The following TCERG1L variants were observed in gnomAD, a reference collection of about 807,000 sequenced individuals.
TCERG1L encodes the protein transcription elongation regulator 1 like.
TCERG1L carries 37 observed loss-of-function variants against 56.3 expected under a neutral mutation model. The observed-to-expected ratio is 0.66, with a 90% CI of 0.51 to 0.87. The LOEUF is 0.87. TCERG1L is among the 40% of genes least tolerant of loss of function. The pLI is 0.00. For missense variants in TCERG1L, 799 were observed against 774.2 expected (o/e 1.03, Z -0.38); for synonymous variants, 324 against 326.3 (o/e 0.99, Z 0.08).
chr10:131,226,740 G>C (rs934392050), intron 4 of TCERG1L, among the ~76,000 whole-genome samples: 4 of 152,372 alleles, frequency 2.6e-5, no homozygotes, highest in East Asian at 1.9e-4. Flanking sequence ...TAGTTTAGAA[G>C]TGTAAACGCC....
At chr10:131,302,161 A>C (rs1836681649) in intron 3 of TCERG1L, among the ~76,000 whole-genome samples, 1 of 151,988 alleles carries the variant, frequency 6.6e-6, no homozygotes, top group Non-Finnish European at 1.5e-5. Flanking sequence ...ATAATTCTCT[A>C]AACTTTTCCC....
chr10:131,158,780 A>G (rs1274194367), intron 6 of TCERG1L, among the ~76,000 whole-genome samples: 1 of 152,236 alleles, frequency 6.6e-6, no homozygotes, highest in East Asian at 1.9e-4. Flanking sequence ...TGCCAAGCGG[A>G]CCATCGCAGA....
rs548626336 is a variant in TCERG1L at position 131,163,170 on chromosome 10, G to A, written c.986C>T (p.Ala329Val). 74 of 1,574,390 alleles carry A rather than the reference G, an allele frequency of 4.7e-5. No individual in the cohort carries two copies. The South Asian group carries it at 7.5e-4, about 16-fold the overall frequency. ...PMLGGGEDST[A>V]RGNRPVASTP... ...GGAGGCCACTGGCCTGTTGCCTCTG[G>A]CTGTGCTGTCCTCTCCTCCCCCCAG... The change falls in exon 6 of 12, where the codon GCC becomes GTC. Residue 329 changes from alanine to valine, a missense_variant. Physicochemically the swap from Ala to Val is moderately conservative, Grantham distance 64 (BLOSUM62 0). Transcript: ENST00000368642.
chr10:131,224,269 G>C (rs577595453), intron 4 of TCERG1L, among the ~76,000 whole-genome samples: 10 of 152,190 alleles, frequency 6.6e-5, no homozygotes, highest in South Asian at 6.2e-4. Context: ...CTTTCCAGCC[G>C]AAGTGTGCTG....
chr10:131,161,843 T>C (rs1845980458), intron 6 of TCERG1L: 1 of 152,392 alleles, frequency 6.6e-6, no homozygotes, highest in South Asian at 2.1e-4. Flanking sequence ...GCTGCAGCAC[T>C]GGGAGGGTGG....
rs1325951174 is a variant in TCERG1L at position 131,118,514 on chromosome 10, CAT to C, written c.1260-1582_1260-1581del. The stretch of plus-strand genomic sequence containing the variant: ...CAACGGTCCTGCTAAACTGATTAGC[CAT>C]AGTCTTCCCTACCCTTCCCTTAATC... On this transcript the variant is annotated intron_variant, in intron 8 of 11. Coordinates refer to ENST00000368642, the MANE Select transcript of TCERG1L (RefSeq NM_174937.4). This position sits in a 1 kb window ranked among gnomAD's most constrained non-coding sequence, Gnocchi z 4.2. Among the ~76,000 whole-genome samples the C allele has an allele frequency of 6.6e-6, 1 of 152,112 alleles. No homozygotes were observed. Among genetic ancestry groups the C allele is most frequent in the Non-Finnish European group, 1.5e-5 (1 of 68,040 alleles).
chr10:131,145,209 C>T (rs1845782955), intron 7 of TCERG1L, among the ~76,000 whole-genome samples: 2 of 152,176 alleles, frequency 1.3e-5, no homozygotes, highest in Admixed American at 1.3e-4. Flanking sequence ...CTGAGGGTGT[C>T]CTGATTTCCC....
At chr10:131,177,091 C>CTG (rs1846169913) in intron 4 of TCERG1L, among the ~76,000 whole-genome samples, 1 of 101,720 alleles carries the variant, frequency 9.8e-6, no homozygotes, top group African/African-American at 6.8e-5. Context: ...CACGTACTCA[C>CTG]AGACACATGC....
At position 131,311,274 on chromosome 10, in the gene TCERG1L, G is replaced by T; in HGVS notation, c.342+20C>A. ...AGGGGAGACGGCGACCCGGGCCGAG[G>T]CGGGACGGGGACACGTTACCTGCCC... On this transcript the variant is annotated intron_variant, in intron 1 of 11. Transcript: ENST00000368642. This position sits in a 1 kb window ranked among gnomAD's most constrained non-coding sequence, Gnocchi z 4.0. 1.7e-6 allele frequency: 2 copies of T among 1,170,974 alleles called. No individual in the cohort carries two copies. The highest frequency in any genetic ancestry group is 9.2e-5 in the Admixed American group (2 of 21,668). 72.5% of individuals were successfully genotyped at this position (1,170,974 alleles called of 1,614,324 possible). A position where few individuals can be genotyped will look rare whatever the true frequency, so the allele number is the denominator to read the frequency against.
intron 10 of TCERG1L, among the ~76,000 whole-genome samples, chr10:131,099,012 G>A (rs1274504414): frequency 3.3e-5 from 5 of 152,222 alleles, no homozygotes; most frequent in Admixed American, 2.0e-4. Flanking sequence ...GGAGGACTCA[G>A]GGTGCATAAG....
chr10:131,149,437 G>A (rs1171396367), intron 6 of TCERG1L, among the ~76,000 whole-genome samples: 1 of 152,234 alleles, frequency 6.6e-6, no homozygotes, highest in Non-Finnish European at 1.5e-5. Flanking sequence ...CATTTATGGT[G>A]CAGAACCCGG....
chr10:131,278,234 A>G (rs1421828127), intron 3 of TCERG1L, among the ~76,000 whole-genome samples: 1 of 151,710 alleles, frequency 6.6e-6, no homozygotes, highest in Admixed American at 6.6e-5. Flanking sequence ...CGGTTTCCTC[A>G]CCTGTAAAAT....
chr10:131,243,562 A>G (rs926382090), intron 4 of TCERG1L, among the ~76,000 whole-genome samples: 6 of 152,120 alleles, frequency 3.9e-5, no homozygotes, highest in African/African-American at 1.4e-4. Flanking sequence ...ACAGAGTGAG[A>G]CTCTGTCTCA....
intron 4 of TCERG1L, among the ~76,000 whole-genome samples, chr10:131,239,932 G>T (rs981597657): frequency 6.6e-6 from 1 of 152,138 alleles, no homozygotes; most frequent in Admixed American, 6.5e-5. Flanking sequence ...AGAGGAGAGC[G>T]GTCCTTCTGG....
chr10:131,101,157 T>G (rs1845300723), intron 10 of TCERG1L, among the ~76,000 whole-genome samples: 1 of 152,220 alleles, frequency 6.6e-6, no homozygotes, highest in African/African-American at 2.4e-5. Context: ...AGGGTTGGCA[T>G]CTGCTGTCTC....
intron 3 of TCERG1L, among the ~76,000 whole-genome samples, chr10:131,291,353 G>GATAGATACCT (rs1485996120): frequency 7.7e-6 from 1 of 129,520 alleles, no homozygotes; most frequent in Non-Finnish European, 1.6e-5. Flanking sequence ...GATATATATA[G>GATAGATACCT]ATAGATACCT....
At chr10:131,251,147 T>C (rs1420317542) in intron 4 of TCERG1L, among the ~76,000 whole-genome samples, 1 of 152,138 alleles carries the variant, frequency 6.6e-6, no homozygotes, top group Non-Finnish European at 1.5e-5. Context: ...GGAAACACAA[T>C]GACAGCAGAG....
At chr10:131,140,297 G>A (rs1211447652) in intron 7 of TCERG1L, among the ~76,000 whole-genome samples, 3 of 152,136 alleles carry the variant, frequency 2.0e-5, no homozygotes, top group Admixed American at 2.0e-4. Context: ...CCTGCTCCTG[G>A]CAGGAGCTCA....
chr10:131,304,803 T>C (rs918890945), intron 3 of TCERG1L, among the ~76,000 whole-genome samples: 6 of 152,056 alleles, frequency 3.9e-5, no homozygotes, highest in Admixed American at 2.0e-4. Context: ...GTTCACACTT[T>C]CCTGGAGGAG....
Sources: gnomAD v4.1 joint callset for allele counts (sites outside exome capture counted in the v4.1 genomes callset) on GRCh38, gnomAD v4.1.1 for gene constraint, Gnocchi (gnomAD v3.1) non-coding constraint, MANE v1.5 for transcripts, NCBI Gene and HGNC (gene_info 2026-07-23, HGNC 2026-07-21) for gene names.